The following ASAH2 variants were observed in gnomAD, a reference collection of about 807,000 sequenced individuals.
The protein encoded by ASAH2 is neutral ceramidase.
A neutral mutation model predicts 82.9 loss-of-function variants in ASAH2; 58 were observed. The observed-to-expected ratio is 0.70, with a 90% CI of 0.57 to 0.87. The LOEUF (loss-of-function observed/expected upper bound fraction) is 0.87. ASAH2 is among the 40% of genes least tolerant of loss of function. ASAH2 has a pLI of 0.00. For synonymous variants in ASAH2, 276 were observed against 289.7 expected, an observed-to-expected ratio of 0.95 and a Z score of 0.48; for missense variants, 779 against 834.0, an observed-to-expected ratio of 0.93 and a Z score of 0.81.
Position 50,230,216 on chromosome 10 carries a change from A to C in ASAH2, c.893+2968T>G, listed in dbSNP as rs952142135. Among the ~76,000 whole-genome samples the C allele has an allele frequency of 3.6e-3, 543 of 152,306 alleles. 3 individuals carry two copies. Among genetic ancestry groups the C allele is most frequent in the African/African-American group, 0.012 (486 of 41,562 alleles). ...CTTGCTGAATGAAAAACTGAAAACA[A>C]AAATGAGAGTAAGAAGGAATGAATT... On this transcript the variant is annotated intron_variant, in intron 7 of 20. Coordinates refer to ENST00000682911, the MANE Select transcript of ASAH2 (RefSeq NM_019893.4).
chr10:50,234,677 G>C, intron 5 of ASAH2, 125 bp from the exon 6 acceptor site: 1 of 1,351,156 alleles, frequency 7.4e-7, no homozygotes, highest in South Asian at 1.2e-5. Flanking sequence ...CCACATTACG[G>C]GATAAAAGCT....
At chr10:50,235,427 C>G (rs1846132809) in intron 5 of ASAH2, among the ~76,000 whole-genome samples, 1 of 152,004 alleles carries the variant, frequency 6.6e-6, no homozygotes, top group African/African-American at 2.4e-5. Context: ...TCAGGAGCAC[C>G]ACGGAGGTCT....
intron 6 of ASAH2, 79 bp from the exon 7 acceptor site, chr10:50,233,340 C>T: frequency 9.6e-7 from 1 of 1,045,224 alleles, no homozygotes; most frequent in Non-Finnish European, 1.5e-6. Flanking sequence ...TAGCAGCTGA[C>T]ACAAAAACAA....
intron 16 of ASAH2, among the ~76,000 whole-genome samples, chr10:50,200,780 T>C (rs2133199180): frequency 6.6e-6 from 1 of 152,206 alleles, no homozygotes; most frequent in African/African-American, 2.4e-5. Flanking sequence ...TTAATAGTAA[T>C]ACTTGCTGGA....
At chr10:50,232,851 T>C (rs1391662411) in intron 7 of ASAH2, among the ~76,000 whole-genome samples, 1 of 152,182 alleles carries the variant, frequency 6.6e-6, no homozygotes, top group African/African-American at 2.4e-5. Flanking sequence ...TCATGGAAGT[T>C]CCACATGTGA....
intron 16 of ASAH2, among the ~76,000 whole-genome samples, chr10:50,202,244 A>G (rs1328995840): frequency 5.3e-5 from 8 of 152,076 alleles, no homozygotes; most frequent in African/African-American, 1.9e-4. Flanking sequence ...AACAGAAATT[A>G]TTAATTATGA....
chr10:50,213,277 A>C (rs1420343155), intron 9 of ASAH2, among the ~76,000 whole-genome samples: 2 of 152,178 alleles, frequency 1.3e-5, no homozygotes. Context: ...CCTTTCTTTT[A>C]AAAATAAGGA....
chr10:50,230,790 C>T (rs1846002867), intron 7 of ASAH2, among the ~76,000 whole-genome samples: 2 of 151,928 alleles, frequency 1.3e-5, no homozygotes, highest in Non-Finnish European at 2.9e-5. Flanking sequence ...ACCTGTAATC[C>T]AAGCACTTTG....
intron 9 of ASAH2, 142 bp downstream of exon 9, chr10:50,214,601 G>A: frequency 2.0e-6 from 2 of 1,009,308 alleles, no homozygotes; most frequent in Admixed American, 4.1e-5. Context: ...TTGGACAGGT[G>A]CTTTTGAGAA....
rs199834705 is a variant in ASAH2 at position 50,237,722 on chromosome 10, T to G, written c.511-1658A>C. Among the ~76,000 whole-genome samples the G allele has an allele frequency of 9.0e-3, 1,365 of 152,128 alleles. 16 individuals are homozygous for G. The highest frequency in any genetic ancestry group is 0.016 in the Non-Finnish European group (1,067 of 67,974). ...GAATACTGGTGATGTTGCTGAGTAT[T>G]TGTTGCTGATTATGCTTTAATAAGC... On this transcript the variant is annotated intron_variant, in intron 4 of 20. Coordinates refer to ENST00000682911, the MANE Select transcript of ASAH2 (RefSeq NM_019893.4).
chr10:50,231,213 CTTG>C (rs1207198888), intron 7 of ASAH2, among the ~76,000 whole-genome samples: 1 of 152,080 alleles, frequency 6.6e-6, no homozygotes, highest in Non-Finnish European at 1.5e-5. Context: ...TCCTGCCCTT[CTTG>C]TAATTGAATG....
intron 9 of ASAH2, among the ~76,000 whole-genome samples, chr10:50,213,739 T>G (rs1286184581): frequency 2.0e-5 from 3 of 152,206 alleles, no homozygotes; most frequent in Middle Eastern, 3.4e-3. Context: ...GAAAGACAAC[T>G]GATAAACTTT....
At chr10:50,245,079 C>T in intron 3 of ASAH2, 143 bp downstream of exon 3, 1 of 685,398 alleles carries the variant, frequency 1.5e-6, no homozygotes, top group South Asian at 2.1e-5. Flanking sequence ...GTATGAAATT[C>T]ATAGTGCTAG....
chr10:50,241,681 CA>C (rs1429555443), intron 4 of ASAH2, among the ~76,000 whole-genome samples: 6 of 152,144 alleles, frequency 3.9e-5, no homozygotes, highest in Non-Finnish European at 8.8e-5. Flanking sequence ...AAATGTGGCA[CA>C]TATACACCAT....
chr10:50,242,539 T>C (rs575966914), intron 4 of ASAH2, among the ~76,000 whole-genome samples: 2 of 152,184 alleles, frequency 1.3e-5, no homozygotes, highest in East Asian at 3.9e-4. Flanking sequence ...ATGCAGAAAA[T>C]AGTACTGGGT....
intron 2 of ASAH2, among the ~76,000 whole-genome samples, chr10:50,247,803 G>T (rs982196725): frequency 6.6e-6 from 1 of 151,680 alleles, no homozygotes; most frequent in African/African-American, 2.4e-5. Flanking sequence ...TGTAAATGTA[G>T]CCTACGTTGT....
chr10:50,240,019 G>T (rs1846255875), intron 4 of ASAH2, among the ~76,000 whole-genome samples: 1 of 151,820 alleles, frequency 6.6e-6, no homozygotes, highest in East Asian at 1.9e-4. Flanking sequence ...GTAGAGACAG[G>T]GTTTCACCAT....
chr10:50,247,985 C>T (rs996539021), intron 2 of ASAH2, among the ~76,000 whole-genome samples: 4 of 152,198 alleles, frequency 2.6e-5, no homozygotes, highest in Non-Finnish European at 4.4e-5. Context: ...CACCTGTCTC[C>T]TCCTTGGTCC....
intron 2 of ASAH2, among the ~76,000 whole-genome samples, chr10:50,246,069 TGTG>T (rs1211468747): frequency 6.6e-6 from 1 of 152,236 alleles, no homozygotes. Flanking sequence ...CATATCTTTA[TGTG>T]TATGTATTTA....
Sources: gnomAD v4.1 joint callset for allele counts (sites outside exome capture counted in the v4.1 genomes callset) on GRCh38, gnomAD v4.1.1 for gene constraint, MANE v1.5 for transcripts, NCBI Gene and HGNC (gene_info 2026-07-23, HGNC 2026-07-21) for gene names.